The following DICER1 variants were observed in gnomAD, a reference collection of about 807,000 sequenced individuals.
DICER1 encodes the protein endoribonuclease Dicer.
Under a neutral mutation model 194.1 loss-of-function variants are expected in DICER1, and 43 were observed. The observed-to-expected ratio is 0.22, with a 90% confidence interval of 0.17 to 0.29. DICER1 has a LOEUF of 0.29. Ranked by LOEUF, DICER1 falls within the 10% of genes least tolerant of loss-of-function variation. The probability of loss-of-function intolerance (pLI) is 1.00; values close to 1 mark genes in which losing one functional copy is unlikely to be tolerated. For synonymous variants in DICER1, 832 were observed against 820.5 expected, an observed-to-expected ratio of 1.01 and a Z score of -0.24; for missense variants, 1,608 against 2,317.0, an observed-to-expected ratio of 0.69 and a Z score of 6.28.
At chr14:95,123,271 G>A (rs1202721458) in intron 8 of DICER1, among the ~76,000 whole-genome samples, 1 of 152,058 alleles carries the variant, frequency 6.6e-6, no homozygotes, top group Non-Finnish European at 1.5e-5. Context: ...AGGAATCCAC[G>A]GCCTAAAATT....
intron 1 of DICER1, among the ~76,000 whole-genome samples, chr14:95,155,260 C>A (rs531694375): frequency 6.6e-6 from 1 of 152,332 alleles, no homozygotes; most frequent in South Asian, 2.1e-4. Flanking sequence ...TCCCTTATCT[C>A]CTTTGCCATG....
At chr14:95,107,344 A>C (rs542412564) in intron 17 of DICER1, among the ~76,000 whole-genome samples, 1 of 149,874 alleles carries the variant, frequency 6.7e-6, no homozygotes, top group Non-Finnish European at 1.5e-5. Flanking sequence ...TCCGCCTCCT[A>C]GCTTGAAGTG....
intron 1 of DICER1, among the ~76,000 whole-genome samples, chr14:95,144,465 G>C (rs1378467890): frequency 1.3e-5 from 2 of 152,028 alleles, no homozygotes; most frequent in Non-Finnish European, 2.9e-5. Context: ...CTATTACGAG[G>C]ATTACACAAG....
chr14:95,155,625 A>C (rs1895803132), intron 1 of DICER1, among the ~76,000 whole-genome samples: 1 of 152,226 alleles, frequency 6.6e-6, no homozygotes, highest in African/African-American at 2.4e-5. Flanking sequence ...CAAACATGAG[A>C]TGGAAGCATA....
At chr14:95,148,713 C>A (rs1046685566) in intron 1 of DICER1, among the ~76,000 whole-genome samples, 1 of 152,188 alleles carries the variant, frequency 6.6e-6, no homozygotes, top group African/African-American at 2.4e-5. Flanking sequence ...TGTCTCCAGG[C>A]TGCAAGCCAA....
chr14:95,109,110 C>T (rs1052503491), intron 14 of DICER1, among the ~76,000 whole-genome samples: 1 of 152,074 alleles, frequency 6.6e-6, no homozygotes, highest in Admixed American at 6.5e-5. Context: ...ATTTTTATCC[C>T]GTTACTGTAA....
intron 15 of DICER1, 95 bp downstream of exon 15, chr14:95,108,229 C>T (rs1171891479): frequency 7.5e-7 from 1 of 1,335,550 alleles, no homozygotes; most frequent in East Asian, 2.3e-5. Flanking sequence ...ATTAAACATA[C>T]TGAGGTAACA....
In DICER1 at chr14:95,095,862, A is replaced by G. The variant is rs2139837716; in HGVS notation, c.5058T>C (p.Ala1686=). 6.2e-7 allele frequency: 1 copy of G among 1,614,184 alleles called. No homozygotes were observed. Among genetic ancestry groups the G allele is most frequent in the Non-Finnish European group, 8.5e-7 (1 of 1,180,032 alleles). Residue 1686 remains alanine (A), a synonymous_variant, in exon 23 of 27, where the codon GCT becomes GCC. Transcript: ENST00000343455. ...RFKNKAYLLQ[A]FTHASYHYNT... ...TGTAGTGGTAGGAGGCATGTGTAAA[A>G]GCCTGGAGAAGGTAAGCCTTATTCT...
At chr14:95,094,538 C>A (rs554354726) in intron 23 of DICER1, among the ~76,000 whole-genome samples, 1 of 152,308 alleles carries the variant, frequency 6.6e-6, no homozygotes, top group South Asian at 2.1e-4. Context: ...TAAGTGAAAC[C>A]AGGGCCGCAC....
intron 23 of DICER1, among the ~76,000 whole-genome samples, chr14:95,094,687 T>C (rs1292507179): frequency 6.6e-6 from 1 of 152,232 alleles, no homozygotes; most frequent in Non-Finnish European, 1.5e-5. Flanking sequence ...GAAGACCCTC[T>C]TCTTAACTTG....
chr14:95,114,160 C>T (rs1444121155), intron 11 of DICER1, among the ~76,000 whole-genome samples: 1 of 152,210 alleles, frequency 6.6e-6, no homozygotes, highest in African/African-American at 2.4e-5. Flanking sequence ...AACCTAGTAT[C>T]CAGTTCTTGG....
intron 8 of DICER1, among the ~76,000 whole-genome samples, chr14:95,120,458 A>G (rs931406530): frequency 6.6e-6 from 1 of 152,252 alleles, no homozygotes; most frequent in Non-Finnish European, 1.5e-5. Flanking sequence ...TTAAAAGTTA[A>G]ATAACTTTCA....
At chr14:95,108,198 G>A (rs961728141) in intron 15 of DICER1, 105 bp from the exon 16 acceptor site, 17 of 1,274,088 alleles carry the variant, frequency 1.3e-5, no homozygotes, top group Non-Finnish European at 1.8e-5. Context: ...AGAAATAGAA[G>A]AGGCACCTCG....
At chr14:95,146,272 T>G (rs531294938) in intron 1 of DICER1, among the ~76,000 whole-genome samples, 2 of 152,348 alleles carry the variant, frequency 1.3e-5, no homozygotes, top group African/African-American at 4.8e-5. Flanking sequence ...GTCTTGCCAT[T>G]TGGCACACTT....
chr14:95,151,875 C>T (rs1265321596), intron 1 of DICER1, among the ~76,000 whole-genome samples: 2 of 152,120 alleles, frequency 1.3e-5, no homozygotes, highest in Non-Finnish European at 1.5e-5. Context: ...TCTCAGAGGA[C>T]TAAATACGAC....
chr14:95,094,174 G>T lies in DICER1; in HGVS notation c.5096-18C>A. The T allele has an allele frequency of 6.2e-7, 1 of 1,613,832 alleles. No individual in the cohort carries two copies. The highest frequency in any genetic ancestry group is 8.5e-7 in the Non-Finnish European group (1 of 1,179,988). Reference sequence around the variant, plus strand: ...GTAACAATCTGAGGGGATCCGAAGTGGAACCGTAAGCTTGTGCAGAAGCAT... The same window carrying T: ...GTAACAATCTGAGGGGATCCGAAGTTGAACCGTAAGCTTGTGCAGAAGCAT... On this transcript the variant is annotated intron_variant, in intron 23 of 26. Transcript: ENST00000343455.
chr14:95,151,893 G>A (rs1010235081), intron 1 of DICER1, among the ~76,000 whole-genome samples: 11 of 152,114 alleles, frequency 7.2e-5, no homozygotes, highest in South Asian at 2.1e-4. Context: ...GACTAAATAC[G>A]ACTACTACCT....
intron 9 of DICER1, among the ~76,000 whole-genome samples, chr14:95,116,943 G>C (rs984850647): frequency 6.6e-6 from 1 of 152,156 alleles, no homozygotes; most frequent in African/African-American, 2.4e-5. Flanking sequence ...ACATAAGCTA[G>C]TGTTCAGACA....
In DICER1 at chr14:95,141,085, A is replaced by G. The variant is rs554435591; in HGVS notation, c.-45-7582T>C. On this transcript the variant is annotated intron_variant, in intron 1 of 26. Transcript: ENST00000343455. ...AAAGATGGTATTTTATAGAAAAATG[A>G]AAAAAATAGCTATTATTTCCTAAAT... is the stretch of plus-strand genomic sequence containing the variant. The G allele has an allele frequency of 2.6e-5, 4 of 152,262 alleles. No homozygotes were observed. The South Asian group carries it at 8.3e-4, about 32-fold the overall frequency. 9.4% of individuals were successfully genotyped at this position (152,262 alleles called of 1,614,324 possible).
Sources: allele counts gnomAD v4.1 joint callset (sites outside exome capture counted in the v4.1 genomes callset), GRCh38; gene constraint gnomAD v4.1.1; transcripts MANE v1.5; gene names NCBI Gene and HGNC (gene_info 2026-07-23, HGNC 2026-07-21).